Variants in DDAH1 observed in about 807,000 individuals in gnomAD.
DDAH1 encodes N(G),N(G)-dimethylarginine dimethylaminohydrolase 1.
In DDAH1, 19 loss-of-function variants were observed where a neutral mutation model predicts 28.8. The ratio of observed to expected loss-of-function variants is 0.66; its 90% CI spans 0.46 to 0.97. The LOEUF (loss-of-function observed/expected upper bound fraction) is 0.97, where lower values mean the gene tolerates loss of function less well. Ranked by LOEUF, DDAH1 falls within the 50% of genes least tolerant of loss-of-function variation. The pLI is 0.00. For synonymous variants in DDAH1, 153 were observed against 154.4 expected (o/e 0.99, Z 0.07); for missense variants, 326 against 375.9 (o/e 0.87, Z 1.10).
intron 1 of DDAH1, among the ~76,000 whole-genome samples, chr1:85,511,675 T>C (rs569440891): frequency 3.3e-5 from 5 of 152,282 alleles, no homozygotes; most frequent in African/African-American, 7.2e-5. Flanking sequence ...ATATCACCAC[T>C]GATCCCACAG....
At chr1:85,483,835 C>A (rs557814213) in intron 2 of DDAH1, among the ~76,000 whole-genome samples, 2 of 152,228 alleles carry the variant, frequency 1.3e-5, no homozygotes, top group East Asian at 3.9e-4. Context: ...CAGCCCAACA[C>A]TCGCTCTGAT....
intron 4 of DDAH1, among the ~76,000 whole-genome samples, chr1:85,339,800 G>T (rs1648359675): frequency 6.6e-6 from 1 of 152,112 alleles, no homozygotes; most frequent in Non-Finnish European, 1.5e-5. Flanking sequence ...TAATACATGT[G>T]ATTTCCACAG....
At chr1:85,437,253 C>A (rs1476409862) in intron 1 of DDAH1, among the ~76,000 whole-genome samples, 3 of 152,288 alleles carry the variant, frequency 2.0e-5, no homozygotes, top group Admixed American at 6.5e-5. Flanking sequence ...AGAGAGAGGC[C>A]TGTGGAGCCT....
chr1:85,402,074 C>T (rs1015595981), intron 1 of DDAH1, among the ~76,000 whole-genome samples: 6 of 151,992 alleles, frequency 3.9e-5, no homozygotes, highest in African/African-American at 1.4e-4. Context: ...CAGCCTCAAA[C>T]TCTTGGGCTC....
chr1:85,422,676 T>C (rs1404701732), intron 1 of DDAH1, among the ~76,000 whole-genome samples: 1 of 152,224 alleles, frequency 6.6e-6, no homozygotes, highest in East Asian at 1.9e-4. Flanking sequence ...AGTGGTGCTA[T>C]GGACTGAATT....
intron 4 of DDAH1, among the ~76,000 whole-genome samples, chr1:85,341,581 C>T (rs564578218): frequency 2.0e-4 from 31 of 152,234 alleles, no homozygotes; most frequent in African/African-American, 5.3e-4. Flanking sequence ...TTTGGGAGGC[C>T]GAGGCGGTGG....
intron 2 of DDAH1, chr1:85,482,382 CAAAA>C (rs1219937605): frequency 2.0e-5 from 3 of 152,038 alleles, no homozygotes; most frequent in African/African-American, 7.2e-5. Flanking sequence ...GTCAATTTGT[CAAAA>C]AACGTCTTTC....
chr1:85,334,282 C>T (rs1181091782), intron 4 of DDAH1, among the ~76,000 whole-genome samples: 3 of 152,202 alleles, frequency 2.0e-5, no homozygotes, highest in Non-Finnish European at 4.4e-5. Flanking sequence ...CCCAGCCTTT[C>T]AGGACTGTAA....
At position 85,565,678 on chromosome 1, in the gene DDAH1, AGAAG is replaced by A. The variant is rs1241666625; in HGVS notation, c.-123+12302_-123+12305del. Among the ~76,000 whole-genome samples the A allele has an allele frequency of 6.6e-5, 10 of 152,392 alleles. No homozygotes were observed. In the East Asian group the frequency reaches 1.5e-3, roughly 23 times the overall value. On this transcript the variant is annotated intron_variant, in intron 1 of 6. Coordinates refer to the DDAH1 transcript ENST00000426972. ...AAACATTAAAAGAAGTGCTTCAGGCAGAAGCAAAAATAATACCTAAACAAAGGAA... is the reference window on the plus strand; with the variant it reads ...AAACATTAAAAGAAGTGCTTCAGGCACAAAAATAATACCTAAACAAAGGAA...
chr1:85,383,746 C>T (rs1651113872), intron 1 of DDAH1, among the ~76,000 whole-genome samples: 1 of 152,150 alleles, frequency 6.6e-6, no homozygotes, highest in South Asian at 2.1e-4. Context: ...AGGTCGGCAG[C>T]CATCGACATT....
intron 4 of DDAH1, among the ~76,000 whole-genome samples, chr1:85,350,017 GCAA>G (rs1262070246): frequency 6.6e-6 from 1 of 152,144 alleles, no homozygotes; most frequent in Non-Finnish European, 1.5e-5. Flanking sequence ...TAGTCCAGAC[GCAA>G]CAAAAGGATA....
At position 85,324,756 on chromosome 1, in the gene DDAH1, T is replaced by G. The variant is rs1224813303; in HGVS notation, c.725A>C (p.Tyr242Ser). The change falls in exon 5 of 6, where the codon TAT becomes TCT. Residue 242 changes from tyrosine (Y) to serine (S), a missense_variant. Tyr to Ser is a moderately radical substitution (Grantham distance 144). Transcript: ENST00000284031. ...TTTTTTTACCTTTGCACTTTCTGGA[T>G]ACTCTTCCGGGGTTCGGTGCAGCAA... is the stretch of plus-strand genomic sequence containing the variant. Reference protein sequence around the residue: ...HVLLHRTPEEYPESAKVYEKL... With the variant: ...HVLLHRTPEESPESAKVYEKL... 6.2e-7 allele frequency: 1 copy of G among 1,614,192 alleles called. No homozygotes were observed. Among genetic ancestry groups the G allele is most frequent in the East Asian group, 2.2e-5 (1 of 44,888 alleles).
At chr1:85,574,395 C>T (rs1659539742) in intron 1 of DDAH1, among the ~76,000 whole-genome samples, 1 of 152,228 alleles carries the variant, frequency 6.6e-6, no homozygotes, top group African/African-American at 2.4e-5. Context: ...CAGATGGTCC[C>T]AACTGACATC....
intron 1 of DDAH1, among the ~76,000 whole-genome samples, chr1:85,541,447 T>C (rs1218665824): frequency 6.6e-6 from 1 of 152,232 alleles, no homozygotes; most frequent in Non-Finnish European, 1.5e-5. Flanking sequence ...GCCCTAGTAT[T>C]TCATAGGAAA....
chr1:85,354,559 C>T (rs901191670), intron 2 of DDAH1, among the ~76,000 whole-genome samples: 3 of 151,982 alleles, frequency 2.0e-5, no homozygotes, highest in Non-Finnish European at 2.9e-5. Context: ...AAATGAAATT[C>T]ATAAAGGAAA....
intron 4 of DDAH1, among the ~76,000 whole-genome samples, chr1:85,336,651 A>T (rs1396111771): frequency 6.6e-6 from 1 of 152,092 alleles, no homozygotes. Context: ...AACCAAACAC[A>T]AAACTAGTAG....
chr1:85,369,522 C>T (rs966733764), intron 1 of DDAH1, among the ~76,000 whole-genome samples: 11 of 152,140 alleles, frequency 7.2e-5, no homozygotes, highest in Non-Finnish European at 1.6e-4. Flanking sequence ...TTCTAAAAAC[C>T]CGCAGGTGAG....
At chr1:85,477,237 A>C (rs527700945) in intron 2 of DDAH1, among the ~76,000 whole-genome samples, 1 of 152,290 alleles carries the variant, frequency 6.6e-6, no homozygotes, top group East Asian at 1.9e-4. Context: ...TACAGCTGGA[A>C]TGTCAGTGAT....
chr1:85,470,373 A>G (rs1454530786), intron 2 of DDAH1, among the ~76,000 whole-genome samples: 1 of 152,180 alleles, frequency 6.6e-6, no homozygotes, highest in Non-Finnish European at 1.5e-5. Context: ...ATTCAGTACC[A>G]CAAGAACAAT....
Sources: allele counts gnomAD v4.1 joint callset (sites outside exome capture counted in the v4.1 genomes callset), GRCh38; gene constraint gnomAD v4.1.1; transcripts MANE v1.5; gene names NCBI Gene and HGNC (gene_info 2026-07-23, HGNC 2026-07-21).